The following ROS1 variants were observed in gnomAD, a reference collection of about 807,000 sequenced individuals.
ROS1 encodes ROS proto-oncogene 1, receptor tyrosine kinase.
A neutral mutation model predicts 273.5 loss-of-function variants in ROS1; 263 were observed. The ratio of observed to expected loss-of-function variants is 0.96; its 90% CI spans 0.87 to 1.06. ROS1 has a LOEUF of 1.06. Among genes scored for constraint, ROS1 ranks in the 50% least tolerant of loss-of-function variants. The pLI, the probability that ROS1 is intolerant of heterozygous loss-of-function variation, is 0.00. For synonymous variants in ROS1, 1,008 were observed against 954.1 expected (o/e 1.06, Z -1.04); for missense variants, 2,833 against 2,751.1 (o/e 1.03, Z -0.67).
intron 4 of ROS1, among the ~76,000 whole-genome samples, chr6:117,410,783 T>C (rs1294959716): frequency 2.0e-5 from 3 of 152,204 alleles, no homozygotes; most frequent in Non-Finnish European, 4.4e-5. Flanking sequence ...AGTTCAATGA[T>C]TGATCTGCAT....
At chr6:117,355,085 T>G (rs953079546) in intron 26 of ROS1, among the ~76,000 whole-genome samples, 1 of 152,116 alleles carries the variant, frequency 6.6e-6, no homozygotes, top group African/African-American at 2.4e-5. Context: ...CAGGTATCAG[T>G]GGTAGGGGGT....
At chr6:117,367,171 G>A (rs1385609303) in intron 18 of ROS1, among the ~76,000 whole-genome samples, 1 of 152,134 alleles carries the variant, frequency 6.6e-6, no homozygotes, top group Admixed American at 6.6e-5. Flanking sequence ...TGTGAAGTTA[G>A]CCTACGGATG....
At chr6:117,424,089 C>T (rs769012238) in intron 1 of ROS1, among the ~76,000 whole-genome samples, 13 of 151,862 alleles carry the variant, frequency 8.6e-5, no homozygotes, top group Non-Finnish European at 1.5e-4. Flanking sequence ...ATAAATAAAA[C>T]GACAGTAAAA....
intron 18 of ROS1, among the ~76,000 whole-genome samples, chr6:117,368,966 C>G (rs1333218311): frequency 6.6e-6 from 1 of 151,142 alleles, no homozygotes; most frequent in Admixed American, 6.6e-5. Flanking sequence ...ATTAAAGTTA[C>G]GTTTACTTGT....
chr6:117,369,880 C>T (rs994265228), intron 18 of ROS1, among the ~76,000 whole-genome samples: 3 of 151,962 alleles, frequency 2.0e-5, no homozygotes, highest in Admixed American at 1.3e-4. Context: ...TGGATATATA[C>T]ATAAATATCT....
chr6:117,295,731 G>A (rs1018376493), intron 43 of ROS1, among the ~76,000 whole-genome samples: 4 of 152,178 alleles, frequency 2.6e-5, no homozygotes, highest in African/African-American at 7.2e-5. Context: ...AAACAGACAT[G>A]TGAAAAAGTG....
chr6:117,381,471 A>G (rs1302225832), intron 17 of ROS1, among the ~76,000 whole-genome samples: 1 of 151,984 alleles, frequency 6.6e-6, no homozygotes, highest in African/African-American at 2.4e-5. Context: ...GCTCCCACTT[A>G]TAAGTGAGAA....
At chr6:117,380,818 A>G (rs1020924495) in intron 17 of ROS1, among the ~76,000 whole-genome samples, 1 of 152,136 alleles carries the variant, frequency 6.6e-6, no homozygotes, top group African/African-American at 2.4e-5. Context: ...AATGTACCAT[A>G]TGCTGTGAGT....
Position 117,387,797 on chromosome 6 carries a change from C to G in ROS1, c.1982G>C (p.Gly661Ala). The change falls in exon 14 of 44, where the codon GGT becomes GCT. Residue 661 changes from glycine to alanine, a missense_variant. Physicochemically the swap from Gly to Ala is moderately conservative, Grantham distance 60. Coordinates refer to ENST00000368507, the MANE Select transcript of ROS1 (RefSeq NM_001378902.1). Reference protein sequence around the residue: ...RPGPWSEPSVGTTLVPASEPP... With the variant: ...RPGPWSEPSVATTLVPASEPP... ...TTTCTCACCTGGCACCAGGGTAGTACCCACTGAGGGCTCTGACCAGGGGCC... is the reference window on the plus strand; with the variant it reads ...TTTCTCACCTGGCACCAGGGTAGTAGCCACTGAGGGCTCTGACCAGGGGCC... The G allele has an allele frequency of 6.2e-7, 1 of 1,614,026 alleles. No individual in the cohort carries two copies. The highest frequency in any genetic ancestry group is 8.5e-7 in the Non-Finnish European group (1 of 1,179,942).
At chr6:117,326,467 C>T in intron 33 of ROS1, 53 bp from the exon 34 acceptor site, 2 of 1,124,682 alleles carry the variant, frequency 1.8e-6, no homozygotes, top group East Asian at 2.8e-5. Context: ...CCTGTTATTT[C>T]TAGTTGTTCA....
rs2128744307 is a variant in ROS1, at chr6:117,416,295, CA to C, written c.190del (p.Trp64GlyfsTer4). 1.2e-6 allele frequency: 2 copies of C among 1,601,474 alleles called. No homozygotes were observed. Among genetic ancestry groups the C allele is most frequent in the Non-Finnish European group, 1.7e-6 (2 of 1,168,650 alleles). Reference sequence around the variant, plus strand: ...ACAGTTTTTCTGATCTACAGAGTTCCAAAAGTGACATCCTTGGATACACTGC... The same window carrying C: ...ACAGTTTTTCTGATCTACAGAGTTCCAAAGTGACATCCTTGGATACACTGC... ...SEPCIQGCHF[W>X]NSVDQKNCAL... On this transcript the variant is annotated frameshift_variant, in exon 3 of 44. Transcript: ENST00000368507. LOFTEE classifies it high-confidence loss of function.
At chr6:117,396,027 T>C (rs2128715078) in intron 9 of ROS1, among the ~76,000 whole-genome samples, 161 bp downstream of exon 9, 1 of 152,288 alleles carries the variant, frequency 6.6e-6, no homozygotes, top group African/African-American at 2.4e-5. Context: ...ATACTTAGGT[T>C]CATTTAAAAT....
At chr6:117,357,034 G>A in intron 25 of ROS1, 119 bp from the exon 26 acceptor site, 2 of 836,404 alleles carry the variant, frequency 2.4e-6, no homozygotes, top group South Asian at 3.6e-5. Flanking sequence ...AGCCTTTGGA[G>A]AGAACATGGT....
In ROS1 at chr6:117,423,524, T is replaced by C. The variant is rs148280214; in HGVS notation, c.123+2010A>G. On this transcript the variant is annotated intron_variant, in intron 1 of 43. Transcript: ENST00000368507. ...ATTGTTTGTTGTTTTCTGCAGCACA[T>C]GGCTTCTAGAATTCAAAAAAACTTT... Among the ~76,000 whole-genome samples, 8 of 152,344 alleles carry C rather than the reference T, an allele frequency of 5.3e-5. No individual in the cohort carries two copies. In the East Asian group the frequency reaches 1.5e-3, roughly 29 times the overall value.
intron 12 of ROS1, among the ~76,000 whole-genome samples, chr6:117,391,429 G>A (rs191444788): frequency 4.7e-4 from 72 of 152,280 alleles, no homozygotes; most frequent in African/African-American, 1.7e-3. Flanking sequence ...GGAAGAGGAG[G>A]ACAGAGTGAG....
chr6:117,367,872 C>T lies in ROS1; in HGVS notation c.2583-1582G>A, dbSNP rs577372175. Among the ~76,000 whole-genome samples the T allele has an allele frequency of 5.3e-5, 8 of 152,210 alleles. No homozygotes were observed. In the South Asian group the frequency reaches 1.5e-3, roughly 28 times the overall value. ...ACCCCACCACCCCAAAATGAACAGC[C>T]AGGCATAACAAGATAAACAGGGAAA... On this transcript the variant is annotated intron_variant, in intron 18 of 43. Coordinates refer to ENST00000368507, the MANE Select transcript of ROS1 (RefSeq NM_001378902.1).
intron 27 of ROS1, among the ~76,000 whole-genome samples, chr6:117,347,291 T>C (rs1778457647): frequency 6.6e-6 from 1 of 152,108 alleles, no homozygotes; most frequent in Non-Finnish European, 1.5e-5. Context: ...TGCTGTTAGA[T>C]TTATACCTAA....
chr6:117,396,779 G>T, intron 8 of ROS1, 136 bp downstream of exon 8: 1 of 666,962 alleles, frequency 1.5e-6, no homozygotes, highest in South Asian at 1.9e-5. Context: ...AAACCACAAT[G>T]ACTTCAACCC....
chr6:117,326,606 T>A (rs185865637), intron 33 of ROS1, among the ~76,000 whole-genome samples, 192 bp from the exon 34 acceptor site: 2 of 152,208 alleles, frequency 1.3e-5, no homozygotes, highest in Admixed American at 6.5e-5. Flanking sequence ...TAGTGAGGCA[T>A]GGAGCCAATT....
Sources: gnomAD v4.1 joint callset for allele counts (sites outside exome capture counted in the v4.1 genomes callset) on GRCh38, gnomAD v4.1.1 for gene constraint, MANE v1.5 for transcripts, NCBI Gene and HGNC (gene_info 2026-07-23, HGNC 2026-07-21) for gene names.